The following QRFPR variants were observed in gnomAD, a reference collection of about 807,000 sequenced individuals.
QRFPR encodes the protein pyroglutamylated RF-amide peptide receptor.
Under a neutral mutation model 31.3 loss-of-function variants are expected in QRFPR, and 37 were observed. The observed-to-expected ratio is 1.18, with a 90% CI of 0.91 to 1.56. The LOEUF (loss-of-function observed/expected upper bound fraction) is 1.56, where lower values mean the gene tolerates loss of function less well. Ranked by LOEUF, QRFPR falls within the 40% of genes most tolerant of loss-of-function variation. QRFPR has a pLI of 0.00. For missense variants in QRFPR, 542 were observed against 532.5 expected, an observed-to-expected ratio of 1.02 and a Z score of -0.18; for synonymous variants, 197 against 192.0, an observed-to-expected ratio of 1.03 and a Z score of -0.22.
At position 121,361,764 on chromosome 4, in the gene QRFPR, A is replaced by G. The variant is rs541678953; in HGVS notation, c.340+18544T>C. ...CCTAAGGAACAATATTTCCCAGACT[A>G]AAATATTTTTTTCACGAGGTAACTA... is the stretch of plus-strand genomic sequence containing the variant. On this transcript the variant is annotated intron_variant, in intron 1 of 5. Coordinates refer to ENST00000394427, the MANE Select transcript of QRFPR (RefSeq NM_198179.3). 8.7e-5 allele frequency among the ~76,000 whole-genome samples: 13 copies of G among 150,150 alleles called. 1 individual carries two copies. The South Asian group carries it at 2.7e-3, about 32-fold the overall frequency.
At chr4:121,338,453 G>A (rs548147976) in intron 2 of QRFPR, among the ~76,000 whole-genome samples, 6 of 152,268 alleles carry the variant, frequency 3.9e-5, no homozygotes, top group Admixed American at 6.5e-5. Flanking sequence ...GGAAGGCTTC[G>A]GATGTGGCCC....
At chr4:121,369,584 A>T in intron 1 of QRFPR, 2 of 1,611,560 alleles carry the variant, frequency 1.2e-6, no homozygotes, top group Non-Finnish European at 1.7e-6. Flanking sequence ...GGCACGGATC[A>T]GTTCCATTGG....
intron 2 of QRFPR, 82 bp from the exon 3 acceptor site, chr4:121,336,950 C>G: frequency 8.0e-7 from 1 of 1,253,608 alleles, no homozygotes; most frequent in Non-Finnish European, 1.2e-6. Context: ...CTCAAGATTC[C>G]CTATGAGAGG....
chr4:121,361,211 A>G (rs1246439808), intron 1 of QRFPR, among the ~76,000 whole-genome samples: 1 of 144,264 alleles, frequency 6.9e-6, no homozygotes, highest in East Asian at 2.1e-4. Flanking sequence ...CACAAAGACC[A>G]TATTTACTTT....
intron 1 of QRFPR, among the ~76,000 whole-genome samples, chr4:121,366,527 C>A (rs1247511714): frequency 7.3e-6 from 1 of 137,360 alleles, no homozygotes; most frequent in Non-Finnish European, 1.6e-5. Flanking sequence ...TCTGGGTATC[C>A]AACCGAAAGA....
Position 121,380,532 on chromosome 4 carries a change from T to C in QRFPR, c.116A>G (p.Glu39Gly), listed in dbSNP as rs1213908690. Residue 39 changes from glutamate (E) to glycine (G), a missense_variant, in exon 1 of 6, where the codon GAG becomes GGG. Coordinates refer to ENST00000394427, the MANE Select transcript of QRFPR (RefSeq NM_198179.3). Reference protein sequence around the residue: ...YRLRPLVYTPELPGRAKLALV... With the variant: ...YRLRPLVYTPGLPGRAKLALV... ...GGCCAGCTTGGCGCGTCCCGGCAGC[T>C]CTGGGGTGTAGACGAGCGGTCGCAG... The C allele has an allele frequency of 1.2e-6, 2 of 1,613,184 alleles. No homozygotes were observed. Among genetic ancestry groups the C allele is most frequent in the African/African-American group, 1.3e-5 (1 of 75,044 alleles).
chr4:121,337,172 C>A (rs1455726137), intron 2 of QRFPR, among the ~76,000 whole-genome samples: 1 of 152,196 alleles, frequency 6.6e-6, no homozygotes, highest in East Asian at 1.9e-4. Context: ...TCTCCTCTTT[C>A]ATTTCTGTCC....
chr4:121,355,272 T>C (rs1725844572), intron 1 of QRFPR, among the ~76,000 whole-genome samples: 1 of 152,294 alleles, frequency 6.6e-6, no homozygotes, highest in South Asian at 2.1e-4. Context: ...ATTCGGCTTT[T>C]GGATTTCTTC....
At position 121,361,312 on chromosome 4, in the gene QRFPR, T is replaced by C. The variant is rs1346950590; in HGVS notation, c.340+18996A>G. On this transcript the variant is annotated intron_variant, in intron 1 of 5. Coordinates refer to ENST00000394427, the MANE Select transcript of QRFPR (RefSeq NM_198179.3). Reference sequence around the variant, plus strand: ...GTAAAAGTGATAGTGTATTACATTCTGCACCCTCCTTGGTATAATGATGAT... The same window carrying C: ...GTAAAAGTGATAGTGTATTACATTCCGCACCCTCCTTGGTATAATGATGAT... Among the ~76,000 whole-genome samples, 3 of 150,168 alleles carry C rather than the reference T, an allele frequency of 2.0e-5. 1 individual carries two copies. The highest frequency in any genetic ancestry group is 7.4e-5 in the African/African-American group (3 of 40,604).
Position 121,366,881 on chromosome 4 carries a change from C to T in QRFPR, c.340+13427G>A, listed in dbSNP as rs904485213. ...GGTATCCATTTTCATATTATTATTT[C>T]CACTTCTCTGCAGTGCATAGCAAGG... is the stretch of plus-strand genomic sequence containing the variant. On this transcript the variant is annotated intron_variant, in intron 1 of 5. Coordinates refer to ENST00000394427, the MANE Select transcript of QRFPR (RefSeq NM_198179.3). Among the ~76,000 whole-genome samples the T allele has an allele frequency of 5.5e-5, 8 of 144,438 alleles. 1 individual carries two copies. The highest frequency in any genetic ancestry group is 2.8e-4 in the Admixed American group (4 of 14,188). The allele number at this position is 144,438 out of a possible 152,430, so 94.8% of individuals were successfully genotyped here. A position where few individuals can be genotyped will look rare whatever the true frequency, so the allele number is the denominator to read the frequency against.
chr4:121,378,509 GT>G (rs1476770165), intron 1 of QRFPR, among the ~76,000 whole-genome samples: 2 of 151,086 alleles, frequency 1.3e-5, no homozygotes, highest in African/African-American at 2.4e-5. Flanking sequence ...GCCTCCCGGG[GT>G]CAAGCCAAGT....
intron 1 of QRFPR, among the ~76,000 whole-genome samples, chr4:121,365,516 ATTAT>A (rs1229447626): frequency 3.5e-5 from 1 of 28,718 alleles, no homozygotes; most frequent in African/African-American, 2.3e-4. Flanking sequence ...TATAATATAT[ATTAT>A]ATATATTATA....
chr4:121,338,772 G>A (rs994725763), intron 2 of QRFPR, among the ~76,000 whole-genome samples: 1 of 152,208 alleles, frequency 6.6e-6, no homozygotes, highest in Admixed American at 6.5e-5. Flanking sequence ...GAGTCTAGTT[G>A]ATTTTAAAAC....
At chr4:121,350,266 G>T (rs1560738375) in intron 1 of QRFPR, among the ~76,000 whole-genome samples, 1 of 152,058 alleles carries the variant, frequency 6.6e-6, no homozygotes. Flanking sequence ...AGAATTTTTG[G>T]CACAGTGTTA....
At chr4:121,373,002 G>A (rs1489501430) in intron 1 of QRFPR, among the ~76,000 whole-genome samples, 3 of 152,232 alleles carry the variant, frequency 2.0e-5, no homozygotes, top group South Asian at 4.1e-4. Flanking sequence ...CCTTAATCCA[G>A]TTATGCCTAA....
chr4:121,380,292 G>T lies in QRFPR; in HGVS notation c.340+16C>A. The T allele has an allele frequency of 1.9e-6, 3 of 1,591,832 alleles. No individual in the cohort carries two copies. Among genetic ancestry groups the T allele is most frequent in the Non-Finnish European group, 2.6e-6 (3 of 1,163,770 alleles). ...GTTAAGAGAGAAGGAGCGAAGGAGC[G>T]GGGCGCGACTCTTACCCCCCAGCCA... On this transcript the variant is annotated intron_variant, in intron 1 of 5. Coordinates refer to ENST00000394427, the MANE Select transcript of QRFPR (RefSeq NM_198179.3).
In QRFPR at chr4:121,380,343, G is replaced by A. The variant is rs1381608563; in HGVS notation, c.305C>T (p.Thr102Ile). 6.2e-7 allele frequency: 1 copy of A among 1,614,140 alleles called. No individual in the cohort carries two copies. Residue 102 changes from threonine to isoleucine, a missense_variant, in exon 1 of 6, where the codon ACC becomes ATC. By Grantham distance (89) the Thr-to-Ile change is moderately conservative (BLOSUM62 -1). Transcript: ENST00000394427. ...GTTGTCGGAAATGTTCTGGAGCATG[G>A]TGACGGGAATGCAGAAGAAGGTGAT... Reference protein sequence around the residue: ...LLITFFCIPVTMLQNISDNWL... With the variant: ...LLITFFCIPVIMLQNISDNWL...
Position 121,365,573 on chromosome 4 carries a change from A to ATTATATAAT in QRFPR, c.340+14734_340+14735insATTATATAA, listed in dbSNP as rs1560743820. Among the ~76,000 whole-genome samples the ATTATATAAT allele has an allele frequency of 5.0e-3, 35 of 7,066 alleles. 1 individual carries two copies. Among genetic ancestry groups the ATTATATAAT allele is most frequent in the Non-Finnish European group, 6.1e-3 (28 of 4,556 alleles). The allele number at this position is 7,066 out of a possible 152,430, so 4.6% of individuals were successfully genotyped here. The stretch of plus-strand genomic sequence containing the variant: ...ATAATATATAATATATATTATATAT[A>ATTATATAAT]ATATATATTATATATATTATATATA... On this transcript the variant is annotated intron_variant, in intron 1 of 5. Transcript: ENST00000394427.
intron 1 of QRFPR, among the ~76,000 whole-genome samples, chr4:121,358,977 G>C (rs12499042): frequency 0.16 from 23,732 of 152,026 alleles, 2,745 homozygotes; most frequent in East Asian, 0.53. Context: ...AAAGTAACTT[G>C]TCCAGGGTCA....
Sources: allele counts gnomAD v4.1 joint callset (sites outside exome capture counted in the v4.1 genomes callset), GRCh38; gene constraint gnomAD v4.1.1; transcripts MANE v1.5; gene names NCBI Gene and HGNC (gene_info 2026-07-23, HGNC 2026-07-21).